ITGA8: variants seen among roughly 807,000 people sequenced by gnomAD.
ITGA8 encodes integrin subunit alpha 8, also known as integrin alpha-8.
ITGA8 carries 91 observed loss-of-function variants against 142.3 expected under a neutral mutation model. The ratio of observed to expected loss-of-function variants is 0.64; its 90% CI spans 0.54 to 0.76. ITGA8 has a LOEUF of 0.76. Ranked by LOEUF, ITGA8 falls within the 30% of genes least tolerant of loss-of-function variation. ITGA8 has a pLI of 0.00. For synonymous variants in ITGA8, 505 were observed against 485.2 expected, an observed-to-expected ratio of 1.04 and a Z score of -0.54; for missense variants, 1,406 against 1,327.7, an observed-to-expected ratio of 1.06 and a Z score of -0.92.
chr10:15,704,455 C>T (rs576631214), intron 2 of ITGA8, among the ~76,000 whole-genome samples: 5 of 151,984 alleles, frequency 3.3e-5, no homozygotes, highest in Non-Finnish European at 5.9e-5. Flanking sequence ...ACCAGGTTTA[C>T]AAAACCCTTC....
Position 15,719,705 on chromosome 10 carries a change from C to T in ITGA8, c.67G>A (p.Ala23Thr), listed in dbSNP as rs757916744. The change falls in exon 1 of 30, where the codon GCC (alanine) becomes ACC (threonine). Residue 23 changes from alanine to threonine, a missense_variant. Transcript: ENST00000378076. ...AGCAACATCCCCAGCGCGGCCGCGG[C>T]GCAGCAGAGGGGCGCGATCAGCGGC... ...QAPLIAPLCC[A>T]AAALGMLLWS... The T allele has an allele frequency of 4.8e-6, 7 of 1,444,600 alleles. No homozygotes were observed. Among genetic ancestry groups the T allele is most frequent in the Middle Eastern group, 1.9e-4 (1 of 5,354 alleles). The allele number at this position is 1,444,600 out of a possible 1,614,324, so 89.5% of individuals were successfully genotyped here.
At chr10:15,535,929 C>A (rs1180061759) in intron 27 of ITGA8, among the ~76,000 whole-genome samples, 1 of 151,926 alleles carries the variant, frequency 6.6e-6, no homozygotes, top group Non-Finnish European at 1.5e-5. Context: ...CTGAAGCCAA[C>A]CAGACCACAA....
chr10:15,530,903 C>T, intron 28 of ITGA8, 147 bp downstream of exon 28: 1 of 518,256 alleles, frequency 1.9e-6, no homozygotes, highest in Non-Finnish European at 3.3e-6. Flanking sequence ...TAGGAAATTA[C>T]CAGACCAATG....
chr10:15,603,009 A>C (rs2131606327), intron 20 of ITGA8, among the ~76,000 whole-genome samples: 1 of 152,306 alleles, frequency 6.6e-6, no homozygotes, highest in East Asian at 1.9e-4. Flanking sequence ...GTACATATTT[A>C]ATGGATAACA....
chr10:15,519,168 C>T, intron 29 of ITGA8, 122 bp downstream of exon 29: 1 of 1,091,790 alleles, frequency 9.2e-7, no homozygotes, highest in Non-Finnish European at 1.3e-6. Context: ...TTATATCCTT[C>T]AGACTGTTCA....
At chr10:15,591,711 C>G (rs1832926158) in intron 22 of ITGA8, among the ~76,000 whole-genome samples, 1 of 152,186 alleles carries the variant, frequency 6.6e-6, no homozygotes, top group African/African-American at 2.4e-5. Flanking sequence ...CTATATGGCT[C>G]TGCTTATCAT....
chr10:15,561,610 C>A lies in ITGA8; in HGVS notation c.2638-3408G>T, dbSNP rs148828374. 1.1e-4 allele frequency among the ~76,000 whole-genome samples: 16 copies of A among 152,042 alleles called. No individual in the cohort carries two copies. In the East Asian group the frequency reaches 2.9e-3, roughly 28 times the overall value. ...GAGAAATTTAACAAAGTTTATAGAA[C>A]CCAAGGAATGTCCAAGGAGAGAGGA... On this transcript the variant is annotated intron_variant, in intron 25 of 29. Coordinates refer to ENST00000378076, the MANE Select transcript of ITGA8 (RefSeq NM_003638.3).
intron 12 of ITGA8, among the ~76,000 whole-genome samples, chr10:15,645,484 G>A (rs1470569685): frequency 6.6e-6 from 1 of 152,168 alleles, no homozygotes; most frequent in Non-Finnish European, 1.5e-5. Flanking sequence ...TTACAGAGTA[G>A]CAAGTCACTT....
chr10:15,517,191 T>C lies in ITGA8; in HGVS notation c.3159A>G (p.Glu1053=). The change falls in exon 30 of 30, where the codon GAA becomes GAG. Residue 1053 remains glutamate (E), a synonymous_variant. Transcript: ENST00000378076. ...CAGGGGTCTTGTCATTTGTCAGCTG[T>C]TCCCTGTCGGTCATGTCCTCCTGAG... ...RPPQEDMTDR[E]QLTNDKTPEA 6.6e-7 allele frequency: 1 copy of C among 1,510,872 alleles called. No homozygotes were observed. Among genetic ancestry groups the C allele is most frequent in the South Asian group, 1.1e-5 (1 of 89,378 alleles). The allele number at this position is 1,510,872 out of a possible 1,614,324, so 93.6% of individuals were successfully genotyped here. A position where few individuals can be genotyped will look rare whatever the true frequency, so the allele number is the denominator to read the frequency against.
chr10:15,569,412 G>T (rs974058670), intron 25 of ITGA8, among the ~76,000 whole-genome samples: 1 of 152,152 alleles, frequency 6.6e-6, no homozygotes, highest in African/African-American at 2.4e-5. Flanking sequence ...CACTCTTCTT[G>T]TAAAGAAACT....
At chr10:15,659,587 T>C (rs914284923) in intron 9 of ITGA8, among the ~76,000 whole-genome samples, 10 of 152,246 alleles carry the variant, frequency 6.6e-5, no homozygotes, top group East Asian at 3.8e-4. Context: ...CCTAATTTCA[T>C]AATAATGGGT....
chr10:15,631,279 C>A (rs550979676), intron 13 of ITGA8, among the ~76,000 whole-genome samples: 8 of 152,038 alleles, frequency 5.3e-5, no homozygotes, highest in African/African-American at 1.9e-4. Context: ...ATGTTTATTG[C>A]AGCACTATTC....
intron 28 of ITGA8, among the ~76,000 whole-genome samples, chr10:15,523,564 A>G (rs1833107880): frequency 6.6e-6 from 1 of 152,116 alleles, no homozygotes; most frequent in Non-Finnish European, 1.5e-5. Context: ...TGAAATTCTC[A>G]TCATCAAAAC....
chr10:15,553,517 G>A (rs187343956), intron 26 of ITGA8, among the ~76,000 whole-genome samples: 3 of 152,268 alleles, frequency 2.0e-5, no homozygotes, highest in African/African-American at 7.2e-5. Flanking sequence ...CCATTTTAAA[G>A]TGTGCAGTTT....
At chr10:15,549,569 A>AT (rs754529986) in intron 26 of ITGA8, among the ~76,000 whole-genome samples, 1 of 152,096 alleles carries the variant, frequency 6.6e-6, no homozygotes, top group Non-Finnish European at 1.5e-5. Context: ...ATCATAATCC[A>AT]TTTTTTGTGT....
chr10:15,683,104 C>T (rs1441648087), intron 4 of ITGA8, among the ~76,000 whole-genome samples: 2 of 152,136 alleles, frequency 1.3e-5, no homozygotes, highest in African/African-American at 4.8e-5. Flanking sequence ...TTCCTGAAAT[C>T]AGTCCTAGAA....
At chr10:15,685,292 C>G (rs756062701) in intron 3 of ITGA8, among the ~76,000 whole-genome samples, 2 of 152,198 alleles carry the variant, frequency 1.3e-5, no homozygotes, top group Non-Finnish European at 2.9e-5. Context: ...CCTCTCCATT[C>G]TAAGGCGGCA....
chr10:15,642,455 T>A (rs1833888549), intron 13 of ITGA8, among the ~76,000 whole-genome samples: 1 of 152,162 alleles, frequency 6.6e-6, no homozygotes, highest in Non-Finnish European at 1.5e-5. Flanking sequence ...ACTTTCTAAT[T>A]GTTTACCTAA....
chr10:15,717,286 A>G (rs1443002768), intron 2 of ITGA8, among the ~76,000 whole-genome samples: 1 of 152,240 alleles, frequency 6.6e-6, no homozygotes. Flanking sequence ...CTTAATGTAA[A>G]TTCAAATAAT....
Sources: allele counts gnomAD v4.1 joint callset (sites outside exome capture counted in the v4.1 genomes callset), GRCh38; gene constraint gnomAD v4.1.1; transcripts MANE v1.5; gene names NCBI Gene and HGNC (gene_info 2026-07-23, HGNC 2026-07-21).